The following LRMDA variants were observed in gnomAD, a reference collection of about 807,000 sequenced individuals.
LRMDA encodes leucine rich melanocyte differentiation associated, also known as leucine-rich melanocyte differentiation-associated protein.
A neutral mutation model predicts 29.8 loss-of-function variants in LRMDA; 18 were observed. The observed-to-expected ratio is 0.60, with a 90% CI of 0.42 to 0.90. The LOEUF (loss-of-function observed/expected upper bound fraction) is 0.90, where lower values mean the gene tolerates loss of function less well. Ranked by LOEUF, LRMDA falls within the 40% of genes least tolerant of loss-of-function variation. LRMDA has a pLI of 0.00. For synonymous variants in LRMDA, 125 were observed against 109.4 expected, an observed-to-expected ratio of 1.14 and a Z score of -0.89; for missense variants, 273 against 273.9, an observed-to-expected ratio of 1.00 and a Z score of 0.02.
intron 6 of LRMDA, among the ~76,000 whole-genome samples, chr10:76,489,119 A>C (rs540076438): frequency 6.6e-6 from 1 of 152,060 alleles, no homozygotes; most frequent in Non-Finnish European, 1.5e-5. Context: ...ATTTGATAGA[A>C]TTCAGCAGTG....
rs1360170843 is a variant in LRMDA at position 76,240,788 on chromosome 10, AG to A, written c.517-83612del. 9.5e-4 allele frequency among the ~76,000 whole-genome samples: 134 copies of A among 141,478 alleles called. 1 individual carries two copies. Among genetic ancestry groups the A allele is most frequent in the Admixed American group, 2.1e-3 (28 of 13,638 alleles). 92.8% of individuals were successfully genotyped at this position (141,478 alleles called of 152,430 possible). ...GAGATAGATAGATAGATAGATAGATAGATAGATAGATAGATACACATATATA... is the reference window on the plus strand; with the variant it reads ...GAGATAGATAGATAGATAGATAGATAATAGATAGATAGATACACATATATA... On this transcript the variant is annotated intron_variant, in intron 5 of 6. Transcript: ENST00000611255.
chr10:76,189,890 T>A (rs1851214908), intron 5 of LRMDA, among the ~76,000 whole-genome samples: 1 of 152,184 alleles, frequency 6.6e-6, no homozygotes, highest in African/African-American at 2.4e-5. Flanking sequence ...TAAAGGAAGA[T>A]GCGCCCTGCA....
Position 76,376,748 on chromosome 10 carries a change from T to C in LRMDA, c.601+52263T>C, listed in dbSNP as rs377156136. On this transcript the variant is annotated intron_variant, in intron 6 of 6. Coordinates refer to ENST00000611255, the MANE Select transcript of LRMDA (RefSeq NM_001305581.2). ...CAACATCTGTTGTATTTTGACTTTTTAATAATAGCCATTCTGACTGGTATA... is the reference window on the plus strand; with the variant it reads ...CAACATCTGTTGTATTTTGACTTTTCAATAATAGCCATTCTGACTGGTATA... 2.3e-3 allele frequency among the ~76,000 whole-genome samples: 352 copies of C among 152,282 alleles called. 15 individuals are homozygous for C. In the South Asian group the frequency reaches 0.071, roughly 31 times the overall value.
chr10:76,361,398 A>G (rs1391140611), intron 6 of LRMDA, among the ~76,000 whole-genome samples: 1 of 152,164 alleles, frequency 6.6e-6, no homozygotes, highest in Non-Finnish European at 1.5e-5. Flanking sequence ...TGAATGAAGG[A>G]AGTCCCCATC....
chr10:76,037,677 CAG>C (rs1444736472), intron 3 of LRMDA, among the ~76,000 whole-genome samples: 1 of 152,136 alleles, frequency 6.6e-6, no homozygotes, highest in African/African-American at 2.4e-5. Flanking sequence ...CATCACATAG[CAG>C]AGAGAGAGGA....
At chr10:75,944,910 A>G (rs976380976) in intron 2 of LRMDA, among the ~76,000 whole-genome samples, 1 of 151,992 alleles carries the variant, frequency 6.6e-6, no homozygotes, top group Admixed American at 6.6e-5. Context: ...GACCTTGTTC[A>G]TGCTTATTAC....
chr10:75,739,618 A>G (rs544405303), intron 2 of LRMDA, among the ~76,000 whole-genome samples: 58 of 152,304 alleles, frequency 3.8e-4, no homozygotes, highest in Admixed American at 2.1e-3. Flanking sequence ...AGGCAGGTGA[A>G]TCAACTGTAA....
intron 2 of LRMDA, among the ~76,000 whole-genome samples, chr10:75,925,456 T>C (rs1369228275): frequency 2.0e-5 from 3 of 152,114 alleles, no homozygotes; most frequent in Admixed American, 6.6e-5. Context: ...CAGAAATATT[T>C]TGTGTATTTG....
At chr10:76,367,058 T>C (rs565864121) in intron 6 of LRMDA, among the ~76,000 whole-genome samples, 1 of 152,322 alleles carries the variant, frequency 6.6e-6, no homozygotes, top group African/African-American at 2.4e-5. Flanking sequence ...ATCACATTTA[T>C]TGACTTGCGT....
At chr10:76,107,583 G>C (rs1849507555) in intron 5 of LRMDA, among the ~76,000 whole-genome samples, 1 of 152,154 alleles carries the variant, frequency 6.6e-6, no homozygotes, top group Admixed American at 6.5e-5. Flanking sequence ...GGAGAAGAGA[G>C]CAATGAACCT....
chr10:76,398,242 CT>C (rs1324239107), intron 6 of LRMDA, among the ~76,000 whole-genome samples: 1 of 152,202 alleles, frequency 6.6e-6, no homozygotes, highest in African/African-American at 2.4e-5. Context: ...ACTCTATCAG[CT>C]GCTCAGTGGA....
At chr10:76,457,488 T>C (rs2132305101) in intron 6 of LRMDA, among the ~76,000 whole-genome samples, 1 of 147,474 alleles carries the variant, frequency 6.8e-6, no homozygotes, top group Non-Finnish European at 1.5e-5. Context: ...GTCTATTTAG[T>C]GCTATGCTTT....
chr10:76,174,578 G>C (rs555755419), intron 5 of LRMDA, among the ~76,000 whole-genome samples: 1 of 152,122 alleles, frequency 6.6e-6, no homozygotes, highest in Non-Finnish European at 1.5e-5. Flanking sequence ...CTTTCTTACT[G>C]TGATGGGTAA....
At chr10:76,545,460 CTT>C (rs1279381933) in intron 6 of LRMDA, among the ~76,000 whole-genome samples, 1 of 151,696 alleles carries the variant, frequency 6.6e-6, no homozygotes, top group Non-Finnish European at 1.5e-5. Context: ...AGTCCAAAGT[CTT>C]TCTGTGAAAT....
intron 2 of LRMDA, among the ~76,000 whole-genome samples, chr10:75,928,094 T>G (rs1399029660): frequency 1.3e-5 from 2 of 152,008 alleles, no homozygotes; most frequent in African/African-American, 4.8e-5. Flanking sequence ...ATTTTTAAAA[T>G]TATGATAGAG....
chr10:76,176,818 A>G (rs10458660), intron 5 of LRMDA, among the ~76,000 whole-genome samples: 29,264 of 152,186 alleles, frequency 0.19, 3,269 homozygotes, highest in East Asian at 0.52. Flanking sequence ...ATAAATTGCC[A>G]AGGTAGACCG....
At chr10:75,645,134 C>T (rs1841501115) in intron 2 of LRMDA, among the ~76,000 whole-genome samples, 1 of 151,976 alleles carries the variant, frequency 6.6e-6, no homozygotes, top group Non-Finnish European at 1.5e-5. Context: ...AGATGTGCAC[C>T]ACCACACCCG....
intron 2 of LRMDA, among the ~76,000 whole-genome samples, chr10:75,698,402 T>C (rs921250211): frequency 6.6e-6 from 1 of 152,228 alleles, no homozygotes; most frequent in African/African-American, 2.4e-5. Flanking sequence ...CCAGGGAATA[T>C]CTCATTAGAA....
At chr10:75,562,085 T>G (rs1347714444) in intron 2 of LRMDA, among the ~76,000 whole-genome samples, 1 of 152,064 alleles carries the variant, frequency 6.6e-6, no homozygotes, top group Non-Finnish European at 1.5e-5. Context: ...CTGGGTATCC[T>G]TGTTAACTTT....
Sources: allele counts gnomAD v4.1 joint callset (sites outside exome capture counted in the v4.1 genomes callset), GRCh38; gene constraint gnomAD v4.1.1; transcripts MANE v1.5; gene names NCBI Gene and HGNC (gene_info 2026-07-23, HGNC 2026-07-21).